PIBF1: variants seen among roughly 807,000 people sequenced by gnomAD.
PIBF1 encodes progesterone immunomodulatory binding factor 1.
PIBF1 carries 90 observed loss-of-function variants against 112.5 expected under a neutral mutation model. The ratio of observed to expected loss-of-function variants is 0.80; its 90% CI spans 0.67 to 0.95. The LOEUF is 0.95. Among genes scored for constraint, PIBF1 ranks in the 40% least tolerant of loss-of-function variants. PIBF1 has a pLI of 0.00. For synonymous variants in PIBF1, 301 were observed against 288.6 expected (o/e 1.04, Z -0.44); for missense variants, 915 against 852.3 (o/e 1.07, Z -0.92).
chr13:72,820,592 CAA>C (rs769709644), intron 5 of PIBF1, among the ~76,000 whole-genome samples: 3 of 152,104 alleles, frequency 2.0e-5, no homozygotes, highest in Non-Finnish European at 4.4e-5. Flanking sequence ...CTAAAATAAT[CAA>C]AGTTACATTT....
chr13:73,005,070 G>A (rs745752937), intron 17 of PIBF1, among the ~76,000 whole-genome samples: 5 of 151,892 alleles, frequency 3.3e-5, no homozygotes, highest in Non-Finnish European at 5.9e-5. Flanking sequence ...CTGTAATCCC[G>A]AGGCTGAGGC....
chr13:72,820,731 G>A (rs1414508571), intron 5 of PIBF1, among the ~76,000 whole-genome samples: 1 of 152,126 alleles, frequency 6.6e-6, no homozygotes, highest in Non-Finnish European at 1.5e-5. Flanking sequence ...TAGCTGGCCA[G>A]CTACTTAAGC....
chr13:72,831,551 C>T (rs922028372), intron 8 of PIBF1, among the ~76,000 whole-genome samples: 5 of 152,194 alleles, frequency 3.3e-5, no homozygotes, highest in African/African-American at 7.2e-5. Context: ...GCAGGTTGTT[C>T]ATTTTCCATG....
At chr13:72,876,269 C>G (rs2138462843) in intron 10 of PIBF1, among the ~76,000 whole-genome samples, 1 of 149,934 alleles carries the variant, frequency 6.7e-6, no homozygotes, top group African/African-American at 2.4e-5. Context: ...TTTCAGGGCT[C>G]TCTATTCTGT....
At chr13:72,867,485 A>G (rs1469967186) in intron 10 of PIBF1, among the ~76,000 whole-genome samples, 1 of 152,208 alleles carries the variant, frequency 6.6e-6, no homozygotes, top group African/African-American at 2.4e-5. Context: ...TGATTTTTAA[A>G]GTAAGATGTG....
intron 11 of PIBF1, among the ~76,000 whole-genome samples, chr13:72,904,191 A>G (rs1215774163): frequency 1.3e-5 from 2 of 151,462 alleles, no homozygotes; most frequent in South Asian, 2.1e-4. Flanking sequence ...ATGAAGGTTT[A>G]TTTTACAGTT....
chr13:72,955,497 A>G (rs1463145962), intron 14 of PIBF1, among the ~76,000 whole-genome samples: 1 of 152,032 alleles, frequency 6.6e-6, no homozygotes, highest in Non-Finnish European at 1.5e-5. Flanking sequence ...AAATAAGGTA[A>G]TTGTTTAAAT....
intron 11 of PIBF1, among the ~76,000 whole-genome samples, chr13:72,902,975 G>A (rs189452686): frequency 1.3e-5 from 2 of 150,866 alleles, no homozygotes; most frequent in African/African-American, 2.4e-5. Flanking sequence ...GGCTCACTGC[G>A]ACCTCTGCTT....
intron 11 of PIBF1, among the ~76,000 whole-genome samples, chr13:72,895,735 T>G (rs1411439115): frequency 6.6e-6 from 1 of 152,078 alleles, no homozygotes; most frequent in Non-Finnish European, 1.5e-5. Flanking sequence ...TGATCCAGAT[T>G]GTGAATTTTA....
chr13:72,932,328 T>C (rs937809403), intron 14 of PIBF1, among the ~76,000 whole-genome samples: 4 of 152,234 alleles, frequency 2.6e-5, no homozygotes, highest in African/African-American at 7.2e-5. Context: ...AACATTAATA[T>C]ATGTTGTTTA....
At position 72,905,481 on chromosome 13, in the gene PIBF1, TA is replaced by T. The variant is rs574650530; in HGVS notation, c.1489-3047del. 3.0e-3 allele frequency among the ~76,000 whole-genome samples: 461 copies of T among 152,272 alleles called. 1 individual carries two copies. Among genetic ancestry groups the T allele is most frequent in the Non-Finnish European group, 4.4e-3 (299 of 67,992 alleles). ...AAACTAATTAAAGGGCCTCAGAAAA[TA>T]AAGCCTTAGTGAAAAACATAAAAAT... is the stretch of plus-strand genomic sequence containing the variant. On this transcript the variant is annotated intron_variant, in intron 11 of 17. Coordinates refer to ENST00000326291, the MANE Select transcript of PIBF1 (RefSeq NM_006346.4).
chr13:72,949,300 C>CTTTTTTTTTTTTTTTGTTTTTTTTTT (rs2042233123), intron 14 of PIBF1, among the ~76,000 whole-genome samples: 1 of 54,954 alleles, frequency 1.8e-5, no homozygotes, highest in African/African-American at 7.2e-5. Flanking sequence ...AAATAGCTGT[C>CTTTTTTTTTTTTTTTGTTTTTTTTTT]TTTTTTTTTT....
At chr13:72,912,593 C>T (rs2040930137) in intron 12 of PIBF1, among the ~76,000 whole-genome samples, 1 of 152,144 alleles carries the variant, frequency 6.6e-6, no homozygotes, top group Non-Finnish European at 1.5e-5. Flanking sequence ...AATCAGTGAT[C>T]CAGCATTTCC....
chr13:72,874,439 T>G (rs575439234), intron 10 of PIBF1, among the ~76,000 whole-genome samples: 1 of 152,288 alleles, frequency 6.6e-6, no homozygotes, highest in East Asian at 1.9e-4. Context: ...GGAAAATATT[T>G]TTATTATAAA....
chr13:72,978,605 A>C (rs1017990404), intron 16 of PIBF1, among the ~76,000 whole-genome samples: 1 of 152,170 alleles, frequency 6.6e-6, no homozygotes, highest in Non-Finnish European at 1.5e-5. Flanking sequence ...CATTGCCAGA[A>C]AACTCAGAGC....
At chr13:72,809,589 G>GTTTTTTT (rs34696804) in intron 5 of PIBF1, among the ~76,000 whole-genome samples, 1 of 100,912 alleles carries the variant, frequency 9.9e-6, no homozygotes, top group African/African-American at 3.3e-5. Context: ...TTTTTTTTTG[G>GTTTTTTT]TTTTTTTTTT....
At chr13:72,786,181 T>TAA (rs1178646032) in intron 2 of PIBF1, among the ~76,000 whole-genome samples, 1 of 152,240 alleles carries the variant, frequency 6.6e-6, no homozygotes, top group Non-Finnish European at 1.5e-5. Flanking sequence ...TAGCTATACT[T>TAA]ACTCAGCACA....
chr13:72,884,999 G>A (rs368189477), intron 10 of PIBF1, among the ~76,000 whole-genome samples: 1 of 151,914 alleles, frequency 6.6e-6, no homozygotes, highest in African/African-American at 2.4e-5. Flanking sequence ...TTACATTCTT[G>A]TAGGTAGGCT....
At chr13:72,985,169 A>G (rs2138980091) in intron 16 of PIBF1, among the ~76,000 whole-genome samples, 1 of 152,260 alleles carries the variant, frequency 6.6e-6, no homozygotes, top group South Asian at 2.1e-4. Context: ...AGACATAAGG[A>G]GACACACACA....
Sources: allele counts gnomAD v4.1 joint callset (sites outside exome capture counted in the v4.1 genomes callset), GRCh38; gene constraint gnomAD v4.1.1; transcripts MANE v1.5; gene names NCBI Gene and HGNC (gene_info 2026-07-23, HGNC 2026-07-21).